UGT1A10: variants seen among roughly 807,000 people sequenced by gnomAD.
UGT1A10 encodes UDP glucuronosyltransferase family 1 member A10.
In UGT1A10, 49 loss-of-function variants were observed where a neutral mutation model predicts 45.8. That is an observed-to-expected ratio of 1.07 (90% CI 0.85 to 1.36). The LOEUF (loss-of-function observed/expected upper bound fraction) is 1.36. UGT1A10 is among the 40% of genes most tolerant of loss of function. UGT1A10 has a pLI of 0.00. For missense variants in UGT1A10, 745 were observed against 668.6 expected, an observed-to-expected ratio of 1.11 and a Z score of -1.26; for synonymous variants, 284 against 249.7, an observed-to-expected ratio of 1.14 and a Z score of -1.29.
intron 1 of UGT1A10, among the ~76,000 whole-genome samples, chr2:233,661,969 C>T (rs1244102626): frequency 6.6e-6 from 1 of 152,044 alleles, no homozygotes; most frequent in Non-Finnish European, 1.5e-5. Flanking sequence ...GAACTGTACA[C>T]ATGGAGATGA....
intron 1 of UGT1A10, among the ~76,000 whole-genome samples, chr2:233,727,631 C>T (rs2077634197): frequency 1.3e-5 from 2 of 152,112 alleles, no homozygotes; most frequent in East Asian, 1.9e-4. Context: ...AGGTTGCACC[C>T]ACAGCTGAGA....
In UGT1A10 at chr2:233,768,381, C is replaced by T. The variant is rs764290725; in HGVS notation, c.1237C>T (p.Leu413=). 1.9e-6 allele frequency: 3 copies of T among 1,614,120 alleles called. No individual in the cohort carries two copies. Among genetic ancestry groups the T allele is most frequent in the Non-Finnish European group, 2.5e-6 (3 of 1,180,032 alleles). ...TKGAGVTLNV[L]EMTSEDLENA... ...GGGAGCTGGAGTGACCCTGAATGTT[C>T]TGGAAATGACTTCTGAAGATTTAGA... Residue 413 remains leucine (L), a synonymous_variant, in exon 4 of 5, where the codon CTG becomes TTG. Transcript: ENST00000344644.
chr2:233,639,418 T>C lies in UGT1A10; in HGVS notation c.855+2041T>C, dbSNP rs1053432350. Among the ~76,000 whole-genome samples the C allele has an allele frequency of 7.9e-5, 12 of 152,258 alleles. No individual in the cohort carries two copies. In the South Asian group the frequency reaches 1.7e-3, roughly 21 times the overall value. Reference sequence around the variant, plus strand: ...GCCCAACCACAAAAGTAAAAGTAAATTGTCATCAAAAGAACGATGAACACT... The same window carrying C: ...GCCCAACCACAAAAGTAAAAGTAAACTGTCATCAAAAGAACGATGAACACT... On this transcript the variant is annotated intron_variant, in intron 1 of 4. Coordinates refer to ENST00000344644, the MANE Select transcript of UGT1A10 (RefSeq NM_019075.4).
chr2:233,647,165 C>T (rs1575399063), intron 1 of UGT1A10, among the ~76,000 whole-genome samples: 2 of 152,236 alleles, frequency 1.3e-5, no homozygotes, highest in African/African-American at 4.8e-5. Flanking sequence ...CGGGAAACGC[C>T]CAGCCCCATG....
chr2:233,687,852 A>G (rs1207002095), intron 1 of UGT1A10, among the ~76,000 whole-genome samples: 3 of 152,162 alleles, frequency 2.0e-5, no homozygotes, highest in Non-Finnish European at 4.4e-5. Context: ...AGGCTGCAGT[A>G]AGCCATGACT....
chr2:233,657,584 C>A (rs1359835386), intron 1 of UGT1A10, among the ~76,000 whole-genome samples: 2 of 152,176 alleles, frequency 1.3e-5, no homozygotes, highest in Admixed American at 1.3e-4. Flanking sequence ...AACCCAGATA[C>A]CTCCCACTAA....
chr2:233,769,864 A>C lies in UGT1A10; in HGVS notation c.1295+1425A>C, dbSNP rs2126048970. On this transcript the variant is annotated intron_variant, in intron 4 of 4. Transcript: ENST00000344644. The surrounding 1 kb of genome is among the most constrained non-coding windows in gnomAD (Gnocchi z 4.4). ...CAGAGTGAGACCCTGTCTCAAAAAA[A>C]AAAAAAAAAATGAAAAGTCCACATA... 6.3e-6 allele frequency: 3 copies of C among 472,760 alleles called. No homozygotes were observed. The highest frequency in any genetic ancestry group is 3.9e-5 in the South Asian group (1 of 25,612). The allele number at this position is 472,760 out of a possible 1,614,324, so 29.3% of individuals were successfully genotyped here. A position where few individuals can be genotyped will look rare whatever the true frequency, so the allele number is the denominator to read the frequency against.
intron 1 of UGT1A10, among the ~76,000 whole-genome samples, chr2:233,661,683 T>C (rs549472792): frequency 1.3e-4 from 5 of 39,404 alleles, no homozygotes; most frequent in South Asian, 7.5e-4. Context: ...TTCTTTCTTT[T>C]TAAACAAAGG....
At chr2:233,702,203 T>C (rs1322988594) in intron 1 of UGT1A10, among the ~76,000 whole-genome samples, 1 of 152,208 alleles carries the variant, frequency 6.6e-6, no homozygotes, top group Non-Finnish European at 1.5e-5. Context: ...TGGCAGCCAT[T>C]AATCAACTTT....
chr2:233,768,371 C>T lies in UGT1A10; in HGVS notation c.1227C>T (p.Thr409=). The T allele has an allele frequency of 6.2e-7, 1 of 1,614,074 alleles. No homozygotes were observed. Among genetic ancestry groups the T allele is most frequent in the South Asian group, 1.1e-5 (1 of 91,082 alleles). ...TGGAGACTAAGGGAGCTGGAGTGAC[C>T]CTGAATGTTCTGGAAATGACTTCTG... is the stretch of plus-strand genomic sequence containing the variant. The part of the protein sequence containing the change: ...KRMETKGAGV[T]LNVLEMTSED... Residue 409 remains threonine, a synonymous_variant, in exon 4 of 5, where the codon ACC becomes ACT. Coordinates refer to ENST00000344644, the MANE Select transcript of UGT1A10 (RefSeq NM_019075.4).
intron 1 of UGT1A10, among the ~76,000 whole-genome samples, chr2:233,666,909 T>G (rs1470573235): frequency 6.6e-6 from 1 of 152,040 alleles, no homozygotes; most frequent in Non-Finnish European, 1.5e-5. Flanking sequence ...GTTTGGTTTC[T>G]TGTCCTTGTG....
rs367801989 is a variant in UGT1A10, at chr2:233,637,175, T to C, written c.653T>C (p.Leu218Ser). 5 of 1,613,884 alleles carry C rather than the reference T, an allele frequency of 3.1e-6. No homozygotes were observed. In the African/African-American group the frequency reaches 6.7e-5, roughly 22 times the overall value. The change falls in exon 1 of 5, where the codon TTA becomes TCA. Residue 218 changes from leucine (L) to serine (S), a missense_variant. Coordinates refer to ENST00000344644, the MANE Select transcript of UGT1A10 (RefSeq NM_019075.4). ...CACATCGTGCACTTGGAGGACCATT[T>C]ATTTTGCCAGTATCTTTTTAGAAAT... is the stretch of plus-strand genomic sequence containing the variant. The part of the protein sequence containing the change: ...WNHIVHLEDH[L>S]FCQYLFRNAL...
intron 1 of UGT1A10, chr2:233,672,004 G>C (rs777189828): frequency 6.2e-7 from 1 of 1,614,110 alleles, no homozygotes. Context: ...TGGCTTTGCC[G>C]AGGCAGGGAA....
chr2:233,762,377 A>G (rs182919265), intron 1 of UGT1A10, among the ~76,000 whole-genome samples: 1 of 152,252 alleles, frequency 6.6e-6, no homozygotes, highest in African/African-American at 2.4e-5. Context: ...ACCAATATGT[A>G]TATAGAAACA....
chr2:233,768,737 C>A (rs947383404), intron 4 of UGT1A10, among the ~76,000 whole-genome samples: 9 of 151,868 alleles, frequency 5.9e-5, no homozygotes, highest in Admixed American at 5.2e-4. Flanking sequence ...TGTCCACCAC[C>A]ACGCCCGGTT....
At chr2:233,747,621 C>T (rs2125886798) in intron 1 of UGT1A10, 1 of 1,577,282 alleles carries the variant, frequency 6.3e-7, no homozygotes, top group Middle Eastern at 1.7e-4. Context: ...TAATGAGGCC[C>T]TGATCAGGCA....
At chr2:233,704,173 G>A (rs28899182) in intron 1 of UGT1A10, among the ~76,000 whole-genome samples, 112 of 151,522 alleles carry the variant, frequency 7.4e-4, no homozygotes, top group African/African-American at 2.6e-3. Context: ...TTACAGGTGT[G>A]AGCCACTGTG....
chr2:233,697,998 T>C (rs2075420632), intron 1 of UGT1A10, among the ~76,000 whole-genome samples: 1 of 152,132 alleles, frequency 6.6e-6, no homozygotes, highest in South Asian at 2.1e-4. Flanking sequence ...AAGGAAAAAA[T>C]ATCATTTCTG....
chr2:233,716,067 T>C (rs1328183312), intron 1 of UGT1A10, among the ~76,000 whole-genome samples: 2 of 152,250 alleles, frequency 1.3e-5, no homozygotes, highest in Non-Finnish European at 2.9e-5. Flanking sequence ...AGTTGTATTC[T>C]TTCCACTGAG....
Sources: gnomAD v4.1 joint callset for allele counts (sites outside exome capture counted in the v4.1 genomes callset) on GRCh38, gnomAD v4.1.1 for gene constraint, Gnocchi (gnomAD v3.1) non-coding constraint, MANE v1.5 for transcripts, NCBI Gene and HGNC (gene_info 2026-07-23, HGNC 2026-07-21) for gene names.